The following PREX1 variants were observed in gnomAD, a reference collection of about 807,000 sequenced individuals.
PREX1 encodes the protein phosphatidylinositol 3,4,5-trisphosphate-dependent Rac exchanger 1 protein.
PREX1 carries 41 observed loss-of-function variants against 198.3 expected under a neutral mutation model. The observed-to-expected ratio is 0.21, with a 90% CI of 0.16 to 0.27. PREX1 has a LOEUF of 0.27. Ranked by LOEUF, PREX1 falls within the 10% of genes least tolerant of loss-of-function variation. The probability of loss-of-function intolerance (pLI) is 1.00; values close to 1 mark genes in which losing one functional copy is unlikely to be tolerated. For missense variants in PREX1, 1,620 were observed against 2,200.7 expected (o/e 0.74, Z 5.28); for synonymous variants, 843 against 887.2 (o/e 0.95, Z 0.89).
intron 3 of PREX1, among the ~76,000 whole-genome samples, chr20:48,743,531 C>A (rs997648283): frequency 6.6e-6 from 1 of 152,228 alleles, no homozygotes; most frequent in African/African-American, 2.4e-5. Context: ...CCGCTAGCAC[C>A]CAGCCCACCT....
intron 30 of PREX1, 64 bp from the exon 31 acceptor site, chr20:48,637,816 G>T: frequency 6.8e-7 from 1 of 1,471,438 alleles, no homozygotes; most frequent in South Asian, 1.2e-5. Context: ...GGTGAGGGCA[G>T]AACCGGGCCC....
At chr20:48,781,584 C>T (rs1258961696) in intron 1 of PREX1, among the ~76,000 whole-genome samples, 1 of 152,170 alleles carries the variant, frequency 6.6e-6, no homozygotes, top group African/African-American at 2.4e-5. Flanking sequence ...GAAGAGTCCC[C>T]AAGTCAGACA....
At chr20:48,720,459 T>C (rs2089980096) in intron 5 of PREX1, among the ~76,000 whole-genome samples, 1 of 152,008 alleles carries the variant, frequency 6.6e-6, no homozygotes. Flanking sequence ...GGTGAATGAA[T>C]GAATGGCTTC....
At chr20:48,654,813 C>G (rs1413191027) in intron 19 of PREX1, among the ~76,000 whole-genome samples, 1 of 152,240 alleles carries the variant, frequency 6.6e-6, no homozygotes, top group East Asian at 1.9e-4. Context: ...ATCTCCAAGA[C>G]ATAGTGACGC....
chr20:48,660,132 C>G (rs1203361149), intron 15 of PREX1, 71 bp from the exon 16 acceptor site: 14 of 1,586,222 alleles, frequency 8.8e-6, no homozygotes, highest in Non-Finnish European at 1.2e-5. Flanking sequence ...TGCCAACTGG[C>G]AGGCACAGGC....
chr20:48,724,540 T>C (rs2090001334), intron 5 of PREX1, among the ~76,000 whole-genome samples: 1 of 152,204 alleles, frequency 6.6e-6, no homozygotes, highest in African/African-American at 2.4e-5. Flanking sequence ...AAGGGCCAGA[T>C]GGTAAATATT....
intron 1 of PREX1, among the ~76,000 whole-genome samples, chr20:48,804,754 G>T (rs939148454): frequency 7.2e-5 from 11 of 152,226 alleles, no homozygotes; most frequent in Non-Finnish European, 1.3e-4. Flanking sequence ...GGTGAGAAGT[G>T]GCCGGATCCT....
intron 1 of PREX1, among the ~76,000 whole-genome samples, chr20:48,791,612 C>A (rs908986421): frequency 1.3e-5 from 2 of 152,172 alleles, no homozygotes; most frequent in African/African-American, 4.8e-5. Context: ...GGTTTCAACA[C>A]AATTGAAACG....
intron 5 of PREX1, among the ~76,000 whole-genome samples, chr20:48,724,027 G>A (rs1267841926): frequency 1.3e-5 from 2 of 152,210 alleles, no homozygotes; most frequent in Admixed American, 6.5e-5. Flanking sequence ...AGAGAAGAAG[G>A]ACACTGGCCT....
At chr20:48,825,200 A>G (rs2123088545) in intron 1 of PREX1, among the ~76,000 whole-genome samples, 2 of 152,298 alleles carry the variant, frequency 1.3e-5, no homozygotes, top group Middle Eastern at 3.4e-3. Context: ...AAGATGAGAG[A>G]GGACTCCTGT....
At chr20:48,648,966 TTC>T (rs1414162712) in intron 25 of PREX1, among the ~76,000 whole-genome samples, 1 of 152,186 alleles carries the variant, frequency 6.6e-6, no homozygotes, top group Non-Finnish European at 1.5e-5. Flanking sequence ...AATTATAAAG[TTC>T]TCTCCAGAAT....
intron 11 of PREX1, 68 bp from the exon 12 acceptor site, chr20:48,679,822 C>T: frequency 7.9e-7 from 1 of 1,273,488 alleles, no homozygotes; most frequent in Admixed American, 1.7e-5. Flanking sequence ...CGCCCCCCAG[C>T]ATTGGCCTTC....
intron 1 of PREX1, among the ~76,000 whole-genome samples, chr20:48,819,626 A>T (rs2090474926): frequency 3.9e-5 from 6 of 152,162 alleles, no homozygotes; most frequent in Admixed American, 2.6e-4. Context: ...GACCTCAGGG[A>T]GTTGCTGCAA....
At chr20:48,665,438 G>A (rs979469386) in intron 15 of PREX1, among the ~76,000 whole-genome samples, 14 of 149,016 alleles carry the variant, frequency 9.4e-5, no homozygotes, top group African/African-American at 3.4e-4. Context: ...ACTCCAGACG[G>A]CCTGAGTTCT....
chr20:48,796,537 A>C (rs954589507), intron 1 of PREX1, among the ~76,000 whole-genome samples: 1 of 152,050 alleles, frequency 6.6e-6, no homozygotes, highest in Non-Finnish European at 1.5e-5. Flanking sequence ...GGGAACTTGG[A>C]GGCTAACATT....
chr20:48,674,692 G>A (rs2089696889), intron 14 of PREX1, among the ~76,000 whole-genome samples: 1 of 152,166 alleles, frequency 6.6e-6, no homozygotes. Context: ...GACTCAAAAG[G>A]ATAACACACA....
chr20:48,746,633 T>G (rs1954633006), intron 2 of PREX1, among the ~76,000 whole-genome samples: 1 of 152,088 alleles, frequency 6.6e-6, no homozygotes. Context: ...AGTGGGCAGT[T>G]GGGGCTGGGA....
intron 20 of PREX1, among the ~76,000 whole-genome samples, chr20:48,653,137 C>G (rs192231139): frequency 1.3e-5 from 2 of 152,122 alleles, no homozygotes; most frequent in Admixed American, 6.5e-5. Flanking sequence ...CATTTCACAG[C>G]TGTGAAAACC....
chr20:48,813,874 G>A (rs1243156923), intron 1 of PREX1, among the ~76,000 whole-genome samples: 2 of 152,186 alleles, frequency 1.3e-5, no homozygotes, highest in African/African-American at 2.4e-5. Context: ...AGCGCCTGTA[G>A]CTGAACAGAC....
Sources: gnomAD v4.1 joint callset for allele counts (sites outside exome capture counted in the v4.1 genomes callset) on GRCh38, gnomAD v4.1.1 for gene constraint, MANE v1.5 for transcripts, NCBI Gene and HGNC (gene_info 2026-07-23, HGNC 2026-07-21) for gene names.